CAST: variants seen among roughly 807,000 people sequenced by gnomAD.
CAST encodes calpastatin, also known as MIR583 host.
Under a neutral mutation model 119.6 loss-of-function variants are expected in CAST, and 76 were observed. That is an observed-to-expected ratio of 0.64 (90% CI 0.53 to 0.77). The LOEUF (loss-of-function observed/expected upper bound fraction) is 0.77, where lower values mean the gene tolerates loss of function less well. Among genes scored for constraint, CAST ranks in the 30% least tolerant of loss-of-function variants. CAST has a pLI of 0.00. For synonymous variants in CAST, 319 were observed against 331.6 expected, an observed-to-expected ratio of 0.96 and a Z score of 0.41; for missense variants, 953 against 946.5, an observed-to-expected ratio of 1.01 and a Z score of -0.09.
chr5:96,205,344 G>A, the CAST span, among the ~76,000 whole-genome samples: 1 of 151,974 alleles, frequency 6.6e-6, no homozygotes, highest in Non-Finnish European at 1.5e-5. Context: ...TCAGGCTCAG[G>A]GTACATTTGC....
the CAST span, among the ~76,000 whole-genome samples, chr5:96,212,205 G>A: frequency 6.6e-6 from 1 of 151,940 alleles, no homozygotes; most frequent in South Asian, 2.1e-4. Flanking sequence ...CTAGGTTCTT[G>A]AGGTAGGAGT....
the CAST span, among the ~76,000 whole-genome samples, chr5:96,266,662 G>A: frequency 1.3e-5 from 2 of 152,062 alleles, no homozygotes; most frequent in Non-Finnish European, 1.5e-5. Flanking sequence ...ATAATCAACA[G>A]GTAAATTACA....
At chr5:96,416,924 C>T in the CAST span, among the ~76,000 whole-genome samples, 1 of 152,160 alleles carries the variant, frequency 6.6e-6, no homozygotes, top group Non-Finnish European at 1.5e-5. Flanking sequence ...CTTTTCCCAC[C>T]ACCATCCTGA....
At chr5:96,223,568 G>A in the CAST span, among the ~76,000 whole-genome samples, 1 of 152,182 alleles carries the variant, frequency 6.6e-6, no homozygotes, top group Non-Finnish European at 1.5e-5. Context: ...AATCTTTGGA[G>A]GGACCATGGC....
At chr5:96,311,252 T>C in the CAST span, among the ~76,000 whole-genome samples, 1 of 152,224 alleles carries the variant, frequency 6.6e-6, no homozygotes, top group African/African-American at 2.4e-5. Context: ...TTCCTTCTGT[T>C]ATTAATTTCT....
At chr5:95,984,346 G>C in the CAST span, among the ~76,000 whole-genome samples, 1 of 152,040 alleles carries the variant, frequency 6.6e-6, no homozygotes, top group Non-Finnish European at 1.5e-5. Context: ...TCGCCTTTTA[G>C]GTCAGTTAGT....
the CAST span, among the ~76,000 whole-genome samples, chr5:95,996,801 G>T: frequency 6.6e-6 from 1 of 151,922 alleles, no homozygotes; most frequent in African/African-American, 2.4e-5. Flanking sequence ...CAGGTGATTT[G>T]GATGCACATG....
chr5:95,975,611 A>G, the CAST span, among the ~76,000 whole-genome samples: 3 of 152,240 alleles, frequency 2.0e-5, no homozygotes, highest in East Asian at 5.8e-4. Context: ...GGTTCCAGAG[A>G]GGTTGGCAAT....
chr5:95,964,846 A>C, the CAST span, among the ~76,000 whole-genome samples: 1 of 151,598 alleles, frequency 6.6e-6, no homozygotes, highest in East Asian at 1.9e-4. Flanking sequence ...ACTGAGAAGA[A>C]ATCTGTCATA....
the CAST span, among the ~76,000 whole-genome samples, chr5:96,289,680 A>T: frequency 2.0e-5 from 3 of 152,152 alleles, no homozygotes; most frequent in Non-Finnish European, 4.4e-5. Flanking sequence ...CTTTATCAGC[A>T]GTGTGAAAAC....
At chr5:96,452,976 A>AAAAAAAAAAAAAAAAAAAG in the CAST span, among the ~76,000 whole-genome samples, 2 of 142,352 alleles carry the variant, frequency 1.4e-5, no homozygotes, top group Admixed American at 6.8e-5. Context: ...AAAAAAAAAA[A>AAAAAAAAAAAAAAAAAAAG]CAGAAGAAAG....
chr5:96,169,477 G>A, the CAST span, among the ~76,000 whole-genome samples: 1 of 152,188 alleles, frequency 6.6e-6, no homozygotes, highest in South Asian at 2.1e-4. Context: ...GGTTGATAAG[G>A]TGCAGATCCT....
At chr5:96,763,186 A>C in intron 25 of CAST, 1 of 780,726 alleles carries the variant, frequency 1.3e-6, no homozygotes, top group Non-Finnish European at 2.4e-6. Context: ...GTAGTCTGAG[A>C]TTCTGATGGA....
At chr5:96,415,447 T>A in the CAST span, among the ~76,000 whole-genome samples, 9 of 152,216 alleles carry the variant, frequency 5.9e-5, no homozygotes, top group Non-Finnish European at 1.2e-4. Flanking sequence ...TCTTAGCCCC[T>A]TGTTGGTTTT....
At chr5:96,135,635 A>G in the CAST span, among the ~76,000 whole-genome samples, 1 of 152,170 alleles carries the variant, frequency 6.6e-6, no homozygotes. Context: ...GTAGATTCCA[A>G]GATTTCTCTT....
the CAST span, among the ~76,000 whole-genome samples, chr5:96,407,301 G>A: frequency 6.6e-6 from 1 of 152,018 alleles, no homozygotes; most frequent in African/African-American, 2.4e-5. Context: ...CAAAACTAAG[G>A]CCATAAAGAA....
At chr5:96,497,691 C>T in the CAST span, among the ~76,000 whole-genome samples, 1 of 152,102 alleles carries the variant, frequency 6.6e-6, no homozygotes, top group East Asian at 1.9e-4. Context: ...ATCCTTTGCC[C>T]ACTTTTTGAT....
In CAST at chr5:96,692,616, C is replaced by A. The variant is rs184330232; in HGVS notation, c.139-3220C>A. Reference sequence around the variant, plus strand: ...CTGCCCTGTCTACCTAGAATGCCTCCTTTCCCTCATCCCATATATACACGA... The same window carrying A: ...CTGCCCTGTCTACCTAGAATGCCTCATTTCCCTCATCCCATATATACACGA... On this transcript the variant is annotated intron_variant, in intron 2 of 31. Transcript: ENST00000675179. Among the ~76,000 whole-genome samples, 7 of 152,270 alleles carry A rather than the reference C, an allele frequency of 4.6e-5. No homozygotes were observed. In the South Asian group the frequency reaches 8.3e-4, roughly 18 times the overall value.
chr5:95,974,417 A>G, the CAST span, among the ~76,000 whole-genome samples: 1 of 152,224 alleles, frequency 6.6e-6, no homozygotes, highest in Non-Finnish European at 1.5e-5. Flanking sequence ...CAATAGAGAG[A>G]TAAATGTTGT....
Sources: gnomAD v4.1 joint callset for allele counts (sites outside exome capture counted in the v4.1 genomes callset) on GRCh38, gnomAD v4.1.1 for gene constraint, MANE v1.5 for transcripts, NCBI Gene and HGNC (gene_info 2026-07-23, HGNC 2026-07-21) for gene names.